The following PRDM5 variants were observed in gnomAD, a reference collection of about 807,000 sequenced individuals.
The protein encoded by PRDM5 is PR/SET domain 5, also known as PR domain zinc finger protein 5.
A neutral mutation model predicts 81.2 loss-of-function variants in PRDM5; 56 were observed. The observed-to-expected ratio is 0.69, with a 90% CI of 0.56 to 0.86. The LOEUF (loss-of-function observed/expected upper bound fraction) is 0.86, where lower values mean the gene tolerates loss of function less well. PRDM5 is among the 40% of genes least tolerant of loss of function. The probability of loss-of-function intolerance (pLI) is 0.00; values close to 1 mark genes in which losing one functional copy is unlikely to be tolerated. For missense variants in PRDM5, 697 were observed against 770.1 expected (o/e 0.91, Z 1.12); for synonymous variants, 267 against 256.4 (o/e 1.04, Z -0.39).
chr4:120,827,738 T>C (rs961933666), intron 3 of PRDM5, among the ~76,000 whole-genome samples: 1 of 152,038 alleles, frequency 6.6e-6, no homozygotes, highest in Non-Finnish European at 1.5e-5. Flanking sequence ...CCAGCTCCTA[T>C]GCCAAGGGCT....
intron 14 of PRDM5, among the ~76,000 whole-genome samples, chr4:120,748,287 C>G (rs897496159): frequency 4.6e-5 from 7 of 152,126 alleles, no homozygotes; most frequent in Admixed American, 2.0e-4. Context: ...CCCCAAGGCC[C>G]AAGGCCTTGG....
chr4:120,761,093 C>T (rs1745538125), intron 13 of PRDM5, among the ~76,000 whole-genome samples: 1 of 152,172 alleles, frequency 6.6e-6, no homozygotes, highest in African/African-American at 2.4e-5. Context: ...ATTGGAGGTA[C>T]TTTAACTTAC....
intron 14 of PRDM5, among the ~76,000 whole-genome samples, chr4:120,753,069 C>A (rs979762926): frequency 6.6e-6 from 1 of 152,174 alleles, no homozygotes. Flanking sequence ...GTAATCATGT[C>A]TATCTTCAGT....
intron 2 of PRDM5, among the ~76,000 whole-genome samples, chr4:120,894,351 A>G (rs1287576926): frequency 2.0e-5 from 3 of 152,148 alleles, no homozygotes; most frequent in Non-Finnish European, 4.4e-5. Context: ...CAACACCAAC[A>G]ATATGTTATT....
chr4:120,911,508 C>T (rs1489052203), intron 1 of PRDM5, among the ~76,000 whole-genome samples: 2 of 152,212 alleles, frequency 1.3e-5, no homozygotes, highest in Non-Finnish European at 2.9e-5. Flanking sequence ...CTTCTATTCA[C>T]TGGACTAGAC....
intron 2 of PRDM5, among the ~76,000 whole-genome samples, chr4:120,892,364 G>A (rs760692165): frequency 6.6e-6 from 1 of 152,134 alleles, no homozygotes; most frequent in Non-Finnish European, 1.5e-5. Context: ...GGTCCCGAAC[G>A]TCACTGATAG....
At chr4:120,767,014 GGAA>G (rs1350594978) in intron 13 of PRDM5, among the ~76,000 whole-genome samples, 1 of 152,132 alleles carries the variant, frequency 6.6e-6, no homozygotes, top group Non-Finnish European at 1.5e-5. Context: ...CGAACAAGGG[GGAA>G]GAAGGAGGAT....
intron 2 of PRDM5, among the ~76,000 whole-genome samples, chr4:120,871,918 C>T (rs970269305): frequency 1.3e-5 from 2 of 151,682 alleles, no homozygotes; most frequent in Non-Finnish European, 1.5e-5. Flanking sequence ...TTTGGGAGGC[C>T]GAGGTGGGCA....
chr4:120,878,256 AAAAT>A (rs937929531), intron 2 of PRDM5, among the ~76,000 whole-genome samples: 6 of 152,288 alleles, frequency 3.9e-5, no homozygotes, highest in African/African-American at 1.4e-4. Context: ...AATATTCATC[AAAAT>A]AAATAAATAA....
intron 2 of PRDM5, among the ~76,000 whole-genome samples, chr4:120,860,685 T>A (rs1206301894): frequency 6.6e-6 from 1 of 152,234 alleles, no homozygotes; most frequent in African/African-American, 2.4e-5. Flanking sequence ...AGGGGTTTTC[T>A]GTAAAACATG....
chr4:120,774,968 A>ATG lies in PRDM5; in HGVS notation c.1537+2218_1537+2219dup, dbSNP rs534630743. Among the ~76,000 whole-genome samples, 37 of 149,192 alleles carry ATG rather than the reference A, an allele frequency of 2.5e-4. No homozygotes were observed. The East Asian group carries it at 7.0e-3, about 28-fold the overall frequency. ...TGTGTGTGTATATGTATATGTATAT[A>ATG]TGTGTGTGTATATGTATATGTGTAT... On this transcript the variant is annotated intron_variant, in intron 13 of 15. Coordinates refer to ENST00000264808, the MANE Select transcript of PRDM5 (RefSeq NM_018699.4).
chr4:120,747,421 A>T (rs1252431813), intron 14 of PRDM5, among the ~76,000 whole-genome samples: 1 of 152,028 alleles, frequency 6.6e-6, no homozygotes, highest in African/African-American at 2.4e-5. Context: ...GTACCCTAAA[A>T]CTTTAAGTAT....
intron 10 of PRDM5, among the ~76,000 whole-genome samples, chr4:120,796,479 C>G (rs4833180): frequency 0.2 from 30,278 of 152,042 alleles, 3,668 homozygotes; most frequent in Non-Finnish European, 0.28. Flanking sequence ...TAACATGAGC[C>G]AAACTGTGAA....
intron 2 of PRDM5, among the ~76,000 whole-genome samples, chr4:120,900,435 A>G (rs1188613763): frequency 6.6e-6 from 1 of 152,176 alleles, no homozygotes; most frequent in Non-Finnish European, 1.5e-5. Flanking sequence ...GACCAAATAT[A>G]GATTTCATAA....
At chr4:120,779,959 A>G (rs67704505) in intron 12 of PRDM5, among the ~76,000 whole-genome samples, 27,663 of 151,972 alleles carry the variant, frequency 0.18, 2,949 homozygotes, top group East Asian at 0.48. Flanking sequence ...TATCTCCTGT[A>G]TATAACTATA....
At chr4:120,705,581 G>T (rs1394314724) in intron 15 of PRDM5, among the ~76,000 whole-genome samples, 1 of 152,096 alleles carries the variant, frequency 6.6e-6, no homozygotes, top group African/African-American at 2.4e-5. Context: ...GAGGTGGAGG[G>T]TGCTGATGGA....
At chr4:120,844,167 G>A (rs1438743631) in intron 3 of PRDM5, among the ~76,000 whole-genome samples, 1 of 151,796 alleles carries the variant, frequency 6.6e-6, no homozygotes, top group Non-Finnish European at 1.5e-5. Flanking sequence ...AGATACTCTG[G>A]GAAAGCTTTA....
intron 15 of PRDM5, among the ~76,000 whole-genome samples, chr4:120,704,306 C>T (rs990886833): frequency 5.3e-5 from 8 of 152,150 alleles, no homozygotes; most frequent in South Asian, 2.1e-4. Flanking sequence ...CCAAATGATG[C>T]TCTGTATAAA....
chr4:120,700,923 G>T (rs1007054279), intron 15 of PRDM5, among the ~76,000 whole-genome samples: 1 of 152,068 alleles, frequency 6.6e-6, no homozygotes, highest in East Asian at 1.9e-4. Flanking sequence ...TTAGGAGATC[G>T]AGACCAGCCT....
Sources: gnomAD v4.1 joint callset for allele counts (sites outside exome capture counted in the v4.1 genomes callset) on GRCh38, gnomAD v4.1.1 for gene constraint, MANE v1.5 for transcripts, NCBI Gene and HGNC (gene_info 2026-07-23, HGNC 2026-07-21) for gene names.